JPH2: variants seen among roughly 807,000 people sequenced by gnomAD.
The protein encoded by JPH2 is junctophilin-2.
A neutral mutation model predicts 55.9 loss-of-function variants in JPH2; 38 were observed. That is an observed-to-expected ratio of 0.68 (90% CI 0.52 to 0.89). The LOEUF is 0.89. Among genes scored for constraint, JPH2 ranks in the 40% least tolerant of loss-of-function variants. The pLI is 0.00. For missense variants in JPH2, 964 were observed against 1,037.6 expected (o/e 0.93, Z 0.97); for synonymous variants, 480 against 472.4 (o/e 1.02, Z -0.21).
At chr20:44,144,690 T>C (rs2072481327) in intron 2 of JPH2, among the ~76,000 whole-genome samples, 1 of 152,188 alleles carries the variant, frequency 6.6e-6, no homozygotes, top group Middle Eastern at 3.2e-3. Flanking sequence ...GCTCAGAGAA[T>C]CGGAAGCCCA....
At chr20:44,139,426 C>T (rs1373946285) in intron 2 of JPH2, among the ~76,000 whole-genome samples, 2 of 152,110 alleles carry the variant, frequency 1.3e-5, no homozygotes, top group African/African-American at 2.4e-5. Context: ...CATCCATGTA[C>T]AACAATGGGG....
chr20:44,149,769 G>A (rs916347247), intron 2 of JPH2, among the ~76,000 whole-genome samples: 2 of 152,178 alleles, frequency 1.3e-5, no homozygotes, highest in Admixed American at 1.3e-4. Context: ...CTCGAGGTCA[G>A]GAGTTTGAGA....
intron 1 of JPH2, chr20:44,177,085 G>A: frequency 1.0e-6 from 1 of 985,518 alleles, no homozygotes; most frequent in Middle Eastern, 5.2e-4. Context: ...ATCTGTGCCA[G>A]GCAACTCTCA....
chr20:44,162,325 C>A (rs1261462145), intron 1 of JPH2, among the ~76,000 whole-genome samples: 1 of 152,162 alleles, frequency 6.6e-6, no homozygotes, highest in African/African-American at 2.4e-5. Context: ...AGATATCCTT[C>A]AAGTCTTTGC....
intron 3 of JPH2, 137 bp from the exon 4 acceptor site, chr20:44,116,523 T>C (rs2072194358): frequency 3.1e-6 from 3 of 961,186 alleles, no homozygotes; most frequent in African/African-American, 1.7e-5. Flanking sequence ...TGCCAGGCAC[T>C]GTTCCAAGCA....
chr20:44,124,019 T>C (rs1010591086), intron 2 of JPH2, among the ~76,000 whole-genome samples: 10 of 152,172 alleles, frequency 6.6e-5, no homozygotes, highest in African/African-American at 2.4e-4. Context: ...GTCTGGAGGA[T>C]GGCTCTGACC....
chr20:44,149,989 G>T (rs1000212334), intron 2 of JPH2, among the ~76,000 whole-genome samples: 22 of 131,676 alleles, frequency 1.7e-4, no homozygotes, highest in African/African-American at 5.7e-4. Flanking sequence ...AAAAAAAAAA[G>T]AATTGGAAGA....
At chr20:44,125,026 T>C (rs553294775) in intron 2 of JPH2, among the ~76,000 whole-genome samples, 107 of 151,310 alleles carry the variant, frequency 7.1e-4, no homozygotes, top group African/African-American at 2.5e-3. Context: ...GAGAATCACT[T>C]GAATCTGGGA....
Position 44,111,228 on chromosome 20 carries a change from G to C in JPH2, c.*2290C>G, listed in dbSNP as rs561089235. Among the ~76,000 whole-genome samples, 1 of 152,112 alleles carries C rather than the reference G, an allele frequency of 6.6e-6. No homozygotes were observed. ...GGTCCCTGGGATCCTCTACCAAAAC[G>C]CAAGAGGGCTTGTAGCAGAGCTAAC... On this transcript the variant is annotated 3_prime_UTR_variant, in exon 6 of 6. Coordinates refer to ENST00000372980, the MANE Select transcript of JPH2 (RefSeq NM_020433.5).
At chr20:44,141,021 A>G (rs1452670547) in intron 2 of JPH2, among the ~76,000 whole-genome samples, 1 of 152,146 alleles carries the variant, frequency 6.6e-6, no homozygotes, top group East Asian at 1.9e-4. Context: ...AAAGATGGAG[A>G]AGGAGGAGAC....
At position 44,186,729 on chromosome 20, in the gene JPH2, C is replaced by T. The variant is rs2072849271; in HGVS notation, c.-24G>A. ...ATCTCATCATAGCCCCTGACAACCT[C>T]CCCGTCCTCCAGCGTGGGTGCAGAG... On this transcript the variant is annotated 5_prime_UTR_variant, in exon 1 of 6. Transcript: ENST00000372980. The T allele has an allele frequency of 2.5e-6, 4 of 1,596,572 alleles. No homozygotes were observed. Among genetic ancestry groups the T allele is most frequent in the Non-Finnish European group, 3.4e-6 (4 of 1,178,624 alleles).
intron 2 of JPH2, among the ~76,000 whole-genome samples, chr20:44,130,276 C>A (rs545776453): frequency 2.6e-4 from 40 of 152,332 alleles, no homozygotes; most frequent in African/African-American, 9.6e-4. Context: ...CAGCTCCTGC[C>A]CACTTTCTAC....
intron 2 of JPH2, among the ~76,000 whole-genome samples, chr20:44,134,317 A>ATATGT (rs1491479522): frequency 2.4e-4 from 1 of 4,164 alleles, no homozygotes; most frequent in African/African-American, 8.9e-4. Flanking sequence ...TATTTATTAT[A>ATATGT]AATATATAAT....
rs774393666 is a variant in JPH2, at chr20:44,126,168, G to GAGGAAGGAAGGAAGGAAGGA, written c.1170-7565_1170-7546dup. Reference sequence around the variant, plus strand: ...GGAGGGAGGGAGGGAGGGAGGGAGGGAGGAAGGAAGGAAGGAAGGAAGGGA... The same window carrying GAGGAAGGAAGGAAGGAAGGA: ...GGAGGGAGGGAGGGAGGGAGGGAGGGAGGAAGGAAGGAAGGAAGGAAGGAAGGAAGGAAGGAAGGAAGGGA... On this transcript the variant is annotated intron_variant, in intron 2 of 5. Transcript: ENST00000372980. 5.7e-3 allele frequency among the ~76,000 whole-genome samples: 207 copies of GAGGAAGGAAGGAAGGAAGGA among 36,058 alleles called. 2 individuals carry two copies. The highest frequency in any genetic ancestry group is 8.6e-3 in the South Asian group (6 of 698). The allele number at this position is 36,058 out of a possible 152,430, so 23.7% of individuals were successfully genotyped here. A position where few individuals can be genotyped will look rare whatever the true frequency, so the allele number is the denominator to read the frequency against.
intron 2 of JPH2, among the ~76,000 whole-genome samples, chr20:44,148,646 G>A (rs1363870666): frequency 1.3e-5 from 2 of 152,154 alleles, no homozygotes; most frequent in African/African-American, 4.8e-5. Context: ...CTGTGTGTGG[G>A]TTCTGGGTAT....
chr20:44,138,495 C>T (rs2072432819), intron 2 of JPH2, among the ~76,000 whole-genome samples: 1 of 152,114 alleles, frequency 6.6e-6, no homozygotes, highest in African/African-American at 2.4e-5. Flanking sequence ...CTTCCTGCCT[C>T]AGTCTCCCGA....
chr20:44,116,221 G>A lies in JPH2; in HGVS notation c.1454C>T (p.Pro485Leu), dbSNP rs1085307656. Residue 485 changes from proline to leucine, a missense_variant, in exon 4 of 6, where the codon CCG becomes CTG. By Grantham distance (98) the Pro-to-Leu change is moderately conservative (BLOSUM62 -3). Transcript: ENST00000372980. ...RETPRPEGGS[P>L]SPAGTPPQPK... ...CTGCGGGGGCGTCCCGGCCGGTGACGGGGAGCCACCCTCGGGCCGAGGGGT... is the reference window on the plus strand; with the variant it reads ...CTGCGGGGGCGTCCCGGCCGGTGACAGGGAGCCACCCTCGGGCCGAGGGGT... 20 of 1,399,508 alleles carry A rather than the reference G, an allele frequency of 1.4e-5. No individual in the cohort carries two copies. Among genetic ancestry groups the A allele is most frequent in the Non-Finnish European group, 1.7e-5 (19 of 1,088,278 alleles). 86.7% of individuals were successfully genotyped at this position (1,399,508 alleles called of 1,614,324 possible).
chr20:44,142,694 G>GTC (rs2072466491), intron 2 of JPH2, among the ~76,000 whole-genome samples: 1 of 152,212 alleles, frequency 6.6e-6, no homozygotes, highest in Non-Finnish European at 1.5e-5. Flanking sequence ...TGTGCTGTCT[G>GTC]TCTCCCCAGC....
At chr20:44,177,824 G>A (rs1160673314) in intron 1 of JPH2, 1 of 1,590,006 alleles carries the variant, frequency 6.3e-7, no homozygotes, top group Non-Finnish European at 8.6e-7. Flanking sequence ...TATGGTTCAG[G>A]CCATCCTGAA....
Sources: gnomAD v4.1 joint callset for allele counts (sites outside exome capture counted in the v4.1 genomes callset) on GRCh38, gnomAD v4.1.1 for gene constraint, MANE v1.5 for transcripts, NCBI Gene and HGNC (gene_info 2026-07-23, HGNC 2026-07-21) for gene names.